Variants in NEGR1 observed in about 807,000 individuals in gnomAD.
NEGR1 encodes IgLON family member 4.
In NEGR1, 10 loss-of-function variants were observed where a neutral mutation model predicts 40.9. That is an observed-to-expected ratio of 0.24 (90% CI 0.15 to 0.42). The LOEUF (loss-of-function observed/expected upper bound fraction) is 0.42. Among genes scored for constraint, NEGR1 ranks in the 10% least tolerant of loss-of-function variants. The probability of loss-of-function intolerance (pLI) is 1.00; values close to 1 mark genes in which losing one functional copy is unlikely to be tolerated. For missense variants in NEGR1, 352 were observed against 438.9 expected, an observed-to-expected ratio of 0.80 and a Z score of 1.77; for synonymous variants, 185 against 166.8, an observed-to-expected ratio of 1.11 and a Z score of -0.84.
intron 4 of NEGR1, among the ~76,000 whole-genome samples, chr1:71,666,408 A>T (rs1047369309): frequency 6.6e-6 from 1 of 152,164 alleles, no homozygotes; most frequent in Non-Finnish European, 1.5e-5. Context: ...ATAGAATAGT[A>T]AATTGTTTTA....
intron 3 of NEGR1, among the ~76,000 whole-genome samples, chr1:71,706,127 A>C (rs1317804348): frequency 2.6e-5 from 4 of 152,234 alleles, no homozygotes; most frequent in African/African-American, 9.6e-5. Context: ...CCCTTCCCCA[A>C]GTCTCCGGAT....
Position 71,611,018 on chromosome 1 carries a change from G to A in NEGR1, c.788+8C>T, listed in dbSNP as rs1460055761. The A allele has an allele frequency of 6.2e-7, 1 of 1,613,484 alleles. No individual in the cohort carries two copies. Among genetic ancestry groups the A allele is most frequent in the East Asian group, 2.2e-5 (1 of 44,852 alleles). ...CTTAGAACACAGTAATAATCACAAA[G>A]TCCTCACTTCTTCTCTCCTTTGTAC... On this transcript the variant is annotated splice_region_variant and intron_variant, in intron 5 of 6. Coordinates refer to ENST00000357731, the MANE Select transcript of NEGR1 (RefSeq NM_173808.3).
At chr1:71,589,459 C>A (rs1211748289) in intron 6 of NEGR1, among the ~76,000 whole-genome samples, 1 of 152,172 alleles carries the variant, frequency 6.6e-6, no homozygotes, top group Non-Finnish European at 1.5e-5. Context: ...TGTCTCCATT[C>A]TGGACTTTAT....
chr1:71,530,753 TG>T (rs1647334122), intron 6 of NEGR1, among the ~76,000 whole-genome samples: 1 of 151,356 alleles, frequency 6.6e-6, no homozygotes, highest in Admixed American at 6.6e-5. Flanking sequence ...TGGGACATAA[TG>T]GCTGCTGCTT....
At chr1:72,261,041 G>C (rs144610147) in intron 1 of NEGR1, among the ~76,000 whole-genome samples, 1 of 152,056 alleles carries the variant, frequency 6.6e-6, no homozygotes, top group Non-Finnish European at 1.5e-5. Flanking sequence ...GATCACAAAT[G>C]AGCATGTTAT....
intron 1 of NEGR1, among the ~76,000 whole-genome samples, chr1:72,094,781 C>T (rs903547108): frequency 6.6e-6 from 1 of 152,078 alleles, no homozygotes; most frequent in Non-Finnish European, 1.5e-5. Flanking sequence ...GTAGATCTCA[C>T]TGGTATTTTG....
intron 1 of NEGR1, among the ~76,000 whole-genome samples, chr1:72,241,423 T>C (rs537832434): frequency 3.3e-5 from 5 of 151,750 alleles, no homozygotes; most frequent in African/African-American, 7.2e-5. Context: ...GAAAGGGCTT[T>C]GTTTTTTTCT....
chr1:72,128,366 G>T (rs1650111113), intron 1 of NEGR1, among the ~76,000 whole-genome samples: 1 of 152,126 alleles, frequency 6.6e-6, no homozygotes, highest in Non-Finnish European at 1.5e-5. Flanking sequence ...GTATTAAAGT[G>T]CAGCAATAAA....
At chr1:71,690,225 C>T (rs1653207616) in intron 4 of NEGR1, among the ~76,000 whole-genome samples, 1 of 151,764 alleles carries the variant, frequency 6.6e-6, no homozygotes. Context: ...GGCGAAGACC[C>T]AAGGGGATTA....
chr1:71,832,887 T>C (rs1658887620), intron 2 of NEGR1, among the ~76,000 whole-genome samples: 5 of 152,042 alleles, frequency 3.3e-5, no homozygotes, highest in Admixed American at 2.6e-4. Flanking sequence ...TTTGACTGTG[T>C]AGTGTTGACT....
At chr1:71,514,423 C>A (rs1647103995) in intron 6 of NEGR1, among the ~76,000 whole-genome samples, 1 of 101,762 alleles carries the variant, frequency 9.8e-6, no homozygotes, top group African/African-American at 4.2e-5. Context: ...ACCCCTGACC[C>A]CCGGGCAGCC....
intron 1 of NEGR1, among the ~76,000 whole-genome samples, chr1:72,203,082 C>T (rs1270294712): frequency 1.3e-5 from 2 of 152,208 alleles, no homozygotes; most frequent in South Asian, 2.1e-4. Context: ...ACTAACACAG[C>T]ATCCACTCTG....
rs184640167 is a variant in NEGR1, at chr1:71,643,099, A to T, written c.668-31953T>A. ...TATTCCTGCTTTGAGCACACAGGTC[A>T]GCCTGATGAAGTAGGCAGCCTTGTC... On this transcript the variant is annotated intron_variant, in intron 4 of 6. Coordinates refer to ENST00000357731, the MANE Select transcript of NEGR1 (RefSeq NM_173808.3). Among the ~76,000 whole-genome samples the T allele has an allele frequency of 8.7e-4, 132 of 152,156 alleles. 3 individuals carry two copies. Among genetic ancestry groups the T allele is most frequent in the Middle Eastern group, 6.8e-3 (2 of 294 alleles).
intron 1 of NEGR1, among the ~76,000 whole-genome samples, chr1:72,227,048 A>T (rs1427776970): frequency 6.6e-6 from 1 of 152,094 alleles, no homozygotes; most frequent in Admixed American, 6.6e-5. Context: ...GAATATCCAC[A>T]ATCTAAATGA....
chr1:71,609,864 C>T (rs376268741), intron 5 of NEGR1, among the ~76,000 whole-genome samples: 45 of 152,264 alleles, frequency 3.0e-4, no homozygotes, highest in African/African-American at 1.1e-3. Flanking sequence ...GGGAAAGACC[C>T]ATGGGAGGTG....
At chr1:72,210,117 G>C (rs1425459260) in intron 1 of NEGR1, among the ~76,000 whole-genome samples, 1 of 151,796 alleles carries the variant, frequency 6.6e-6, no homozygotes, top group Non-Finnish European at 1.5e-5. Context: ...GTGCTCCATG[G>C]TGTGACATCT....
At chr1:72,018,810 G>A (rs2100416552) in intron 1 of NEGR1, among the ~76,000 whole-genome samples, 1 of 152,244 alleles carries the variant, frequency 6.6e-6, no homozygotes, top group Middle Eastern at 3.4e-3. Context: ...ACAGTCAGGG[G>A]CCACTGCAAG....
Position 71,936,583 on chromosome 1 carries a change from A to G in NEGR1, c.177-1272T>C, listed in dbSNP as rs542996077. ...ATATGGCATTCTAGACAGAGATGCT[A>G]TATGTGGGCAACACCAGGTAAACAT... On this transcript the variant is annotated intron_variant, in intron 1 of 6. Coordinates refer to ENST00000357731, the MANE Select transcript of NEGR1 (RefSeq NM_173808.3). 2.6e-5 allele frequency among the ~76,000 whole-genome samples: 4 copies of G among 152,354 alleles called. No individual in the cohort carries two copies. The East Asian group carries it at 7.7e-4, about 29-fold the overall frequency.
intron 6 of NEGR1, among the ~76,000 whole-genome samples, chr1:71,522,850 G>T (rs1647170108): frequency 6.6e-6 from 1 of 151,590 alleles, no homozygotes; most frequent in Admixed American, 6.6e-5. Context: ...GCCCTGTTGA[G>T]CCAGATACAA....
Sources: gnomAD v4.1 joint callset for allele counts (sites outside exome capture counted in the v4.1 genomes callset) on GRCh38, gnomAD v4.1.1 for gene constraint, MANE v1.5 for transcripts, NCBI Gene and HGNC (gene_info 2026-07-23, HGNC 2026-07-21) for gene names.